MRPS25: variants seen among roughly 807,000 people sequenced by gnomAD.
The protein encoded by MRPS25 is small ribosomal subunit protein mS25.
A neutral mutation model predicts 17.3 loss-of-function variants in MRPS25; 15 were observed. That is an observed-to-expected ratio of 0.87 (90% CI 0.58 to 1.34). MRPS25 has a LOEUF of 1.34. MRPS25 is among the 40% of genes most tolerant of loss of function. MRPS25 has a pLI of 0.00. For missense variants in MRPS25, 225 were observed against 218.6 expected (o/e 1.03, Z -0.19); for synonymous variants, 94 against 83.3 (o/e 1.13, Z -0.70).
chr3:15,042,864 A>T (rs758383793), downstream of MRPS25: 10 of 1,614,132 alleles, frequency 6.2e-6, no homozygotes, highest in East Asian at 2.2e-4. Context: ...GCCTGCCGGC[A>T]CTCAGGCTGA....
Position 15,065,259 on chromosome 3 carries a change from C to T in MRPS25, c.-65G>A, listed in dbSNP as rs2042838946. The T allele has an allele frequency of 6.7e-7, 1 of 1,482,894 alleles. No homozygotes were observed. Among genetic ancestry groups the T allele is most frequent in the Non-Finnish European group, 9.0e-7 (1 of 1,114,964 alleles). The allele number at this position is 1,482,894 out of a possible 1,614,324, so 91.9% of individuals were successfully genotyped here. ...CCGAGCAGCGACGAGAAAGGACTAG[C>T]TAGCACCCGCGCGGATCTCACGCGG... On this transcript the variant is annotated 5_prime_UTR_variant, in exon 1 of 4. Transcript: ENST00000253686.
In MRPS25 at chr3:15,051,591, G is replaced by T. The variant is rs2042606732; in HGVS notation, c.*850C>A. 4 of 985,446 alleles carry T rather than the reference G, an allele frequency of 4.1e-6. No homozygotes were observed. The highest frequency in any genetic ancestry group is 4.8e-6 in the Non-Finnish European group (4 of 829,936). 61.0% of individuals were successfully genotyped at this position (985,446 alleles called of 1,614,324 possible). On this transcript the variant is annotated 3_prime_UTR_variant, in exon 4 of 4. Transcript: ENST00000253686. ...GACAGTAACATCAGTGTCCTATGAGGAAAGAACAAGGAAGGTGCTCAGTAA... is the reference window on the plus strand; with the variant it reads ...GACAGTAACATCAGTGTCCTATGAGTAAAGAACAAGGAAGGTGCTCAGTAA...
Position 15,052,527 on chromosome 3 carries a change from GC to G in MRPS25, c.435del (p.Gln146ArgfsTer14). 6.2e-7 allele frequency: 1 copy of G among 1,614,166 alleles called. No homozygotes were observed. Among genetic ancestry groups the G allele is most frequent in the Non-Finnish European group, 8.5e-7 (1 of 1,180,026 alleles). ...CLRECICEVEGQVPCPSLVPL... is the reference protein window; with the variant it reads ...CLRECICEVEXQVPCPSLVPL... Reference sequence around the variant, plus strand: ...GGCACCAGGCTGGGGCAGGGCACCTGCCCTTCCACTTCACAGATGCACTCCC... The same window carrying G: ...GGCACCAGGCTGGGGCAGGGCACCTGCCTTCCACTTCACAGATGCACTCCC... On this transcript the variant is annotated frameshift_variant, in exon 4 of 4. Transcript: ENST00000253686. LOFTEE classifies it high-confidence loss of function.
At chr3:15,053,795 G>A (rs868170214) in intron 2 of MRPS25, among the ~76,000 whole-genome samples, 6 of 151,938 alleles carry the variant, frequency 3.9e-5, no homozygotes, top group Non-Finnish European at 5.9e-5. Flanking sequence ...AATCCCAAGC[G>A]GTGTTTCTGT....
downstream of MRPS25, chr3:15,042,676 A>G (rs1476090566): frequency 3.1e-5 from 19 of 622,208 alleles, no homozygotes; most frequent in Admixed American, 1.8e-4. Context: ...ATAAATTTCT[A>G]TAAGAGGAAC....
At chr3:15,053,144 G>A in intron 3 of MRPS25, 1 of 898,624 alleles carries the variant, frequency 1.1e-6, no homozygotes, top group Non-Finnish European at 1.6e-6. Flanking sequence ...CCCCGCAAGA[G>A]GGAGAGAGGT....
chr3:15,058,009 G>A (rs1325508963), intron 2 of MRPS25, among the ~76,000 whole-genome samples: 1 of 150,946 alleles, frequency 6.6e-6, no homozygotes, highest in Non-Finnish European at 1.5e-5. Flanking sequence ...AGCCCCCCAA[G>A]TAGCTGGGAC....
chr3:15,052,356 A>G lies in MRPS25; in HGVS notation c.*85T>C. The G allele has an allele frequency of 6.5e-7, 1 of 1,529,912 alleles. No homozygotes were observed. Among genetic ancestry groups the G allele is most frequent in the Non-Finnish European group, 8.8e-7 (1 of 1,139,006 alleles). 94.8% of individuals were successfully genotyped at this position (1,529,912 alleles called of 1,614,324 possible). A position where few individuals can be genotyped will look rare whatever the true frequency, so the allele number is the denominator to read the frequency against. The stretch of plus-strand genomic sequence containing the variant: ...TTCCAGAGTCTCCAGGGACAGAACC[A>G]GGGGCTTCCCTGGGCCAAAGTAATC... On this transcript the variant is annotated 3_prime_UTR_variant, in exon 4 of 4. Transcript: ENST00000253686.
chr3:15,064,042 C>T (rs2042819662), intron 1 of MRPS25, among the ~76,000 whole-genome samples: 1 of 152,170 alleles, frequency 6.6e-6, no homozygotes, highest in African/African-American at 2.4e-5. Context: ...AAGCGGCTTC[C>T]GGATCTCTTG....
intron 1 of MRPS25, 135 bp from the exon 2 acceptor site, chr3:15,059,610 C>T (rs1383580880): frequency 2.0e-5 from 13 of 660,662 alleles, no homozygotes; most frequent in East Asian, 5.7e-5. Context: ...AGAAAAAACT[C>T]GCAGGGATCC....
Position 15,052,403 on chromosome 3 carries a change from T to A in MRPS25, c.*38A>T. The A allele has an allele frequency of 6.3e-7, 1 of 1,592,436 alleles. No individual in the cohort carries two copies. The highest frequency in any genetic ancestry group is 8.6e-7 in the Non-Finnish European group (1 of 1,164,898). ...AATCCCATTCCAATCTCCCCACTGG[T>A]CAGACACCATCACCCCAGCCCACAG... On this transcript the variant is annotated 3_prime_UTR_variant, in exon 4 of 4. Coordinates refer to ENST00000253686, the MANE Select transcript of MRPS25 (RefSeq NM_022497.5).
intron 1 of MRPS25, among the ~76,000 whole-genome samples, chr3:15,059,894 G>A (rs1419406488): frequency 6.6e-6 from 1 of 151,818 alleles, no homozygotes; most frequent in Non-Finnish European, 1.5e-5. Flanking sequence ...TCACACATGG[G>A]GGAACAGTTT....
chr3:15,046,254 T>C (rs928133933), downstream of MRPS25: 2 of 152,210 alleles, frequency 1.3e-5, no homozygotes, highest in African/African-American at 4.8e-5. Flanking sequence ...AGATGTGTAA[T>C]TGCCCTCAAG....
intron 1 of MRPS25, among the ~76,000 whole-genome samples, chr3:15,064,795 C>T (rs1256910144): frequency 1.3e-5 from 2 of 152,234 alleles, no homozygotes; most frequent in Non-Finnish European, 2.9e-5. Flanking sequence ...TCGGGTCAGC[C>T]TCGCCCACCG....
In MRPS25 at chr3:15,053,423, T is replaced by TA. The variant is rs748892651; in HGVS notation, c.285dup (p.Lys96Ter). ...TTTCTGATGTGCTCCATGATCTCCT[T>TA]ATTGCTCTTGGTCTCCACATCCACC... On this transcript the variant is annotated frameshift_variant, in exon 3 of 4. Transcript: ENST00000253686. LOFTEE classifies it high-confidence loss of function. The TA allele has an allele frequency of 6.2e-7, 1 of 1,614,192 alleles. No individual in the cohort carries two copies. The highest frequency in any genetic ancestry group is 8.5e-7 in the Non-Finnish European group (1 of 1,180,030).
downstream of MRPS25, chr3:15,044,523 A>G (rs953775279): frequency 6.6e-6 from 1 of 152,246 alleles, no homozygotes; most frequent in Non-Finnish European, 1.5e-5. Flanking sequence ...ATATATAGCA[A>G]GCTTTTCCTG....
At position 15,050,415 on chromosome 3, in the gene MRPS25, G is replaced by T; in HGVS notation, c.*2026C>A. ...TGGTTCAGGACATTCCTGCTGGTTA[G>T]CAGCCTCTTTGGGCCCTAGAGGGAA... On this transcript the variant is annotated 3_prime_UTR_variant, in exon 4 of 4. Transcript: ENST00000253686. 1 of 1,002,800 alleles carries T rather than the reference G, an allele frequency of 1.0e-6. No individual in the cohort carries two copies. The highest frequency in any genetic ancestry group is 1.2e-6 in the Non-Finnish European group (1 of 842,562). 62.1% of individuals were successfully genotyped at this position (1,002,800 alleles called of 1,614,324 possible). A position where few individuals can be genotyped will look rare whatever the true frequency, so the allele number is the denominator to read the frequency against.
downstream of MRPS25, chr3:15,042,975 G>T: frequency 6.2e-7 from 1 of 1,614,180 alleles, no homozygotes; most frequent in Non-Finnish European, 8.5e-7. Context: ...AGACAGCAGA[G>T]TATAATGGCC....
chr3:15,047,940 C>T (rs2042513232), downstream of MRPS25: 1 of 152,388 alleles, frequency 6.6e-6, no homozygotes, highest in African/African-American at 2.4e-5. Flanking sequence ...CAGGTCTACT[C>T]GGACGAATTT....
Sources: allele counts gnomAD v4.1 joint callset (sites outside exome capture counted in the v4.1 genomes callset), GRCh38; gene constraint gnomAD v4.1.1; transcripts MANE v1.5; gene names NCBI Gene and HGNC (gene_info 2026-07-23, HGNC 2026-07-21).